Variants in CCDC3 observed in about 807,000 individuals in gnomAD.
CCDC3 encodes coiled-coil domain containing 3.
Under a neutral mutation model 21.4 loss-of-function variants are expected in CCDC3, and 24 were observed. The ratio of observed to expected loss-of-function variants is 1.12; its 90% CI spans 0.81 to 1.58. CCDC3 has a LOEUF of 1.58. Ranked by LOEUF, CCDC3 falls within the 40% of genes most tolerant of loss-of-function variation. CCDC3 has a pLI of 0.00. For synonymous variants in CCDC3, 186 were observed against 166.0 expected, an observed-to-expected ratio of 1.12 and a Z score of -0.93; for missense variants, 425 against 360.9, an observed-to-expected ratio of 1.18 and a Z score of -1.44.
At chr10:12,923,442 G>A (rs868177319) in intron 2 of CCDC3, among the ~76,000 whole-genome samples, 15 of 152,038 alleles carry the variant, frequency 9.9e-5, no homozygotes, top group African/African-American at 1.2e-4. Flanking sequence ...CCTTTCCACC[G>A]GCTTAAGTGG....
intron 2 of CCDC3, among the ~76,000 whole-genome samples, chr10:12,931,854 C>T (rs375128105): frequency 6.6e-6 from 1 of 152,194 alleles, no homozygotes; most frequent in African/African-American, 2.4e-5. Context: ...CTGGGGTCTC[C>T]ACTACCCAAA....
intron 4 of CCDC3, among the ~76,000 whole-genome samples, chr10:13,060,983 G>A (rs568391446): frequency 6.6e-6 from 1 of 152,292 alleles, no homozygotes; most frequent in South Asian, 2.1e-4. Flanking sequence ...TAAAGGCATG[G>A]CCCAAGATTA....
At chr10:13,032,364 A>T (rs1836316524) in intron 5 of CCDC3, among the ~76,000 whole-genome samples, 1 of 152,232 alleles carries the variant, frequency 6.6e-6, no homozygotes, top group South Asian at 2.1e-4. Context: ...GTTATTTATG[A>T]CAAACCCACA....
chr10:12,923,365 G>A (rs1834483540), intron 2 of CCDC3, among the ~76,000 whole-genome samples: 2 of 152,106 alleles, frequency 1.3e-5, no homozygotes, highest in South Asian at 2.1e-4. Flanking sequence ...TGAAATACTC[G>A]TTATTCCCTG....
chr10:13,035,430 T>C (rs558034144), intron 5 of CCDC3, among the ~76,000 whole-genome samples: 68 of 152,312 alleles, frequency 4.5e-4, no homozygotes, highest in African/African-American at 1.4e-3. Flanking sequence ...AGTCTCAACT[T>C]GGTTCTGAAA....
In CCDC3 at chr10:12,917,390, G is replaced by A. The variant is rs564758514; in HGVS notation, c.550-18711C>T. Among the ~76,000 whole-genome samples the A allele has an allele frequency of 4.0e-5, 6 of 151,850 alleles. No homozygotes were observed. In the East Asian group the frequency reaches 1.2e-3, roughly 30 times the overall value. ...TTTTTGTATTTTTAGTAGAGACGGG[G>A]TTTCACCGTGTTAGCCAGGATGGTC... On this transcript the variant is annotated intron_variant, in intron 2 of 2. Coordinates refer to ENST00000378825, the MANE Select transcript of CCDC3 (RefSeq NM_031455.4).
At chr10:12,918,981 G>A (rs555769058) in intron 2 of CCDC3, among the ~76,000 whole-genome samples, 34 of 152,150 alleles carry the variant, frequency 2.2e-4, no homozygotes, top group African/African-American at 7.2e-4. Context: ...GCGTGAACCC[G>A]GGAGGCGGAG....
chr10:12,986,169 G>GT (rs1020257263), intron 2 of CCDC3, among the ~76,000 whole-genome samples: 6 of 152,316 alleles, frequency 3.9e-5, no homozygotes, highest in South Asian at 2.1e-4. Context: ...AGTAATTGCA[G>GT]TTTTTTGCCA....
chr10:12,974,664 A>T (rs944582826), intron 2 of CCDC3, among the ~76,000 whole-genome samples: 1 of 152,208 alleles, frequency 6.6e-6, no homozygotes, highest in African/African-American at 2.4e-5. Context: ...CTGAGCCCAC[A>T]GCCAGGAAGA....
chr10:12,911,001 A>G (rs1399180251), intron 2 of CCDC3, among the ~76,000 whole-genome samples: 2 of 152,198 alleles, frequency 1.3e-5, no homozygotes, highest in African/African-American at 4.8e-5. Flanking sequence ...AATTTTAAAT[A>G]TGTCTGAATT....
intron 3 of CCDC3, among the ~76,000 whole-genome samples, chr10:13,083,891 G>A (rs1158492864): frequency 2.6e-5 from 4 of 152,212 alleles, no homozygotes; most frequent in African/African-American, 4.8e-5. Context: ...TTCCATCTGC[G>A]AGGAGCACCC....
intron 4 of CCDC3, among the ~76,000 whole-genome samples, chr10:13,071,303 CT>C (rs921154882): frequency 3.8e-4 from 57 of 150,550 alleles, no homozygotes; most frequent in African/African-American, 1.3e-3. Flanking sequence ...GCAACCCCCC[CT>C]CAAGACGTAT....
At chr10:13,099,796 G>A (rs1832695263), upstream of CCDC3, 1 of 151,970 alleles carries the variant, frequency 6.6e-6, no homozygotes, top group Non-Finnish European at 1.5e-5. Flanking sequence ...GACCCCCTGC[G>A]GCTCCAGCCT....
At chr10:13,096,087 A>C (rs1292343890) in intron 3 of CCDC3, among the ~76,000 whole-genome samples, 1 of 151,774 alleles carries the variant, frequency 6.6e-6, no homozygotes, top group African/African-American at 2.4e-5. Flanking sequence ...AAAATATTAC[A>C]TATCTTTTCT....
At chr10:12,906,285 C>A (rs1055353560) in intron 2 of CCDC3, among the ~76,000 whole-genome samples, 1 of 152,154 alleles carries the variant, frequency 6.6e-6, no homozygotes, top group Non-Finnish European at 1.5e-5. Flanking sequence ...TCTGCTCCAC[C>A]CAAAGTCAAA....
intron 4 of CCDC3, among the ~76,000 whole-genome samples, chr10:13,064,400 C>T (rs1836798978): frequency 6.6e-6 from 1 of 152,106 alleles, no homozygotes; most frequent in Non-Finnish European, 1.5e-5. Context: ...CATGTGTGAA[C>T]CCTGAAAATC....
At chr10:13,096,493 G>A (rs1181843689) in intron 3 of CCDC3, among the ~76,000 whole-genome samples, 2 of 152,110 alleles carry the variant, frequency 1.3e-5, no homozygotes, top group African/African-American at 2.4e-5. Flanking sequence ...TTTAAACCCA[G>A]TTCTGCAGGG....
chr10:13,021,879 C>A (rs1836150963), intron 5 of CCDC3, among the ~76,000 whole-genome samples: 1 of 152,242 alleles, frequency 6.6e-6, no homozygotes, highest in African/African-American at 2.4e-5. Context: ...CATGCCTCAG[C>A]CTCCCAAGTA....
chr10:12,985,741 C>T (rs1189423181), intron 2 of CCDC3, among the ~76,000 whole-genome samples: 1 of 152,110 alleles, frequency 6.6e-6, no homozygotes, highest in African/African-American at 2.4e-5. Context: ...TAAGGGTTGC[C>T]AGAGTTTAGG....
Sources: allele counts gnomAD v4.1 joint callset (sites outside exome capture counted in the v4.1 genomes callset), GRCh38; gene constraint gnomAD v4.1.1; transcripts MANE v1.5; gene names NCBI Gene and HGNC (gene_info 2026-07-23, HGNC 2026-07-21).